The following PRKCE variants were observed in gnomAD, a reference collection of about 807,000 sequenced individuals.
PRKCE encodes protein kinase C epsilon type.
PRKCE carries 16 observed loss-of-function variants against 85.4 expected under a neutral mutation model. The ratio of observed to expected loss-of-function variants is 0.19; its 90% CI spans 0.13 to 0.28. The LOEUF is 0.28. Ranked by LOEUF, PRKCE falls within the 10% of genes least tolerant of loss-of-function variation. The pLI is 1.00. For synonymous variants in PRKCE, 388 were observed against 371.5 expected (o/e 1.04, Z -0.51); for missense variants, 573 against 975.2 (o/e 0.59, Z 5.49).
At chr2:45,832,527 G>T (rs1211070042) in intron 1 of PRKCE, among the ~76,000 whole-genome samples, 1 of 152,044 alleles carries the variant, frequency 6.6e-6, no homozygotes, top group Non-Finnish European at 1.5e-5. Context: ...TGGCCAAGCT[G>T]GTCTTGAACT....
chr2:45,977,374 T>C (rs955815617), intron 3 of PRKCE, among the ~76,000 whole-genome samples: 11 of 152,102 alleles, frequency 7.2e-5, no homozygotes, highest in Admixed American at 5.9e-4. Context: ...CGGTGGCTGA[T>C]GTCTATAATC....
At chr2:45,888,914 A>T (rs1195633536) in intron 2 of PRKCE, among the ~76,000 whole-genome samples, 2 of 139,250 alleles carry the variant, frequency 1.4e-5, no homozygotes, top group Non-Finnish European at 3.0e-5. Flanking sequence ...AAGGAGAATC[A>T]AAAGTGGGGA....
chr2:46,140,315 A>G (rs1675389996), intron 11 of PRKCE, among the ~76,000 whole-genome samples: 1 of 152,196 alleles, frequency 6.6e-6, no homozygotes, highest in African/African-American at 2.4e-5. Context: ...GCAATAATTA[A>G]AAGAGTGTGG....
chr2:45,830,774 C>T (rs896695221), intron 1 of PRKCE, among the ~76,000 whole-genome samples: 15 of 152,196 alleles, frequency 9.9e-5, no homozygotes, highest in African/African-American at 3.1e-4. Flanking sequence ...AGTCCATTGA[C>T]AATATTGATG....
intron 1 of PRKCE, among the ~76,000 whole-genome samples, chr2:45,842,597 T>G (rs1691444961): frequency 6.6e-6 from 1 of 152,164 alleles, no homozygotes; most frequent in African/African-American, 2.4e-5. Context: ...TTTCTCAACC[T>G]CAACATCATT....
At chr2:46,163,140 G>A (rs1677943231) in intron 14 of PRKCE, among the ~76,000 whole-genome samples, 2 of 152,266 alleles carry the variant, frequency 1.3e-5, no homozygotes, top group Admixed American at 6.5e-5. Context: ...TACCAGCAGT[G>A]AGGACAACTC....
intron 10 of PRKCE, among the ~76,000 whole-genome samples, chr2:46,034,283 T>C (rs1038671960): frequency 6.6e-6 from 1 of 152,104 alleles, no homozygotes; most frequent in Non-Finnish European, 1.5e-5. Context: ...CCCCATAGGG[T>C]TGTAGGGAGG....
intron 10 of PRKCE, among the ~76,000 whole-genome samples, chr2:46,065,336 G>A (rs1667538179): frequency 6.6e-6 from 1 of 151,944 alleles, no homozygotes. Context: ...AACAGTTTTG[G>A]GGTTTGTCAT....
intron 1 of PRKCE, among the ~76,000 whole-genome samples, chr2:45,680,818 T>A (rs549597320): frequency 6.6e-6 from 1 of 152,208 alleles, no homozygotes; most frequent in African/African-American, 2.4e-5. Context: ...GATGAACACA[T>A]GTAAAACAAT....
intron 2 of PRKCE, among the ~76,000 whole-genome samples, chr2:45,959,964 C>T (rs931266853): frequency 6.6e-6 from 1 of 152,168 alleles, no homozygotes; most frequent in Non-Finnish European, 1.5e-5. Context: ...TTCAGAACTT[C>T]TTGTCAGACC....
chr2:45,930,951 G>A (rs962626512), intron 2 of PRKCE, among the ~76,000 whole-genome samples: 2 of 152,170 alleles, frequency 1.3e-5, no homozygotes, highest in African/African-American at 4.8e-5. Flanking sequence ...TTACCCTAAT[G>A]GCGTGCTGCT....
intron 1 of PRKCE, among the ~76,000 whole-genome samples, chr2:45,787,507 G>A (rs1165516999): frequency 6.6e-6 from 1 of 152,130 alleles, no homozygotes; most frequent in African/African-American, 2.4e-5. Flanking sequence ...GTAGGCAATG[G>A]AGCCAGGCAG....
At chr2:45,725,170 C>T (rs1297954149) in intron 1 of PRKCE, among the ~76,000 whole-genome samples, 7 of 152,316 alleles carry the variant, frequency 4.6e-5, no homozygotes, top group South Asian at 2.1e-4. Context: ...TATGCTGATT[C>T]TATTCTGCTC....
chr2:45,901,015 C>T (rs1053564881), intron 2 of PRKCE, among the ~76,000 whole-genome samples: 17 of 152,194 alleles, frequency 1.1e-4, no homozygotes, highest in Non-Finnish European at 1.5e-5. Context: ...CCATGCCTCA[C>T]ATATGTGGGA....
At chr2:45,747,679 A>C (rs562822972) in intron 1 of PRKCE, among the ~76,000 whole-genome samples, 1 of 152,234 alleles carries the variant, frequency 6.6e-6, no homozygotes, top group Non-Finnish European at 1.5e-5. Flanking sequence ...GTATACAACT[A>C]TCTCTTTGAG....
At chr2:45,989,804 G>C (rs1374176231) in intron 6 of PRKCE, among the ~76,000 whole-genome samples, 1 of 152,082 alleles carries the variant, frequency 6.6e-6, no homozygotes, top group Non-Finnish European at 1.5e-5. Context: ...ATTATAAAGA[G>C]CACAATACAT....
Position 46,185,052 on chromosome 2 carries a change from C to A in PRKCE, c.*171C>A, listed in dbSNP as rs573293643. ...GCCCCAGGCCACCTCCTCCCCCTCC[C>A]ACCTGGTGACCAGAAGGCGCTCTCG... On this transcript the variant is annotated 3_prime_UTR_variant, in exon 15 of 15. Transcript: ENST00000306156. The surrounding 1 kb of genome is among the most constrained non-coding windows in gnomAD (Gnocchi z 4.7). The A allele has an allele frequency of 2.8e-5, 24 of 871,032 alleles. No individual in the cohort carries two copies. In the East Asian group the frequency reaches 6.3e-4, roughly 23 times the overall value. The allele number at this position is 871,032 out of a possible 1,614,324, so 54.0% of individuals were successfully genotyped here.
At chr2:45,812,847 A>G (rs950519419) in intron 1 of PRKCE, among the ~76,000 whole-genome samples, 10 of 152,242 alleles carry the variant, frequency 6.6e-5, no homozygotes, top group African/African-American at 1.9e-4. Context: ...TAGTTGAGGA[A>G]AGACTCATGT....
intron 10 of PRKCE, among the ~76,000 whole-genome samples, chr2:46,052,362 C>G (rs1708909830): frequency 6.6e-6 from 1 of 152,078 alleles, no homozygotes; most frequent in African/African-American, 2.4e-5. Flanking sequence ...AATGAAGAAT[C>G]CAAAGGCAAA....
Sources: gnomAD v4.1 joint callset for allele counts (sites outside exome capture counted in the v4.1 genomes callset) on GRCh38, gnomAD v4.1.1 for gene constraint, Gnocchi (gnomAD v3.1) non-coding constraint, MANE v1.5 for transcripts, NCBI Gene and HGNC (gene_info 2026-07-23, HGNC 2026-07-21) for gene names.